DAB2IP: variants seen among roughly 807,000 people sequenced by gnomAD.
The protein encoded by DAB2IP is DAB2 interacting protein.
A neutral mutation model predicts 107.2 loss-of-function variants in DAB2IP; 28 were observed. The ratio of observed to expected loss-of-function variants is 0.26; its 90% CI spans 0.19 to 0.36. The LOEUF is 0.36. Among genes scored for constraint, DAB2IP ranks in the 10% least tolerant of loss-of-function variants. The pLI is 1.00. For missense variants in DAB2IP, 1,400 were observed against 1,644.7 expected (o/e 0.85, Z 2.57); for synonymous variants, 755 against 706.4 (o/e 1.07, Z -1.09).
At chr9:121,729,826 G>A (rs1323911669) in intron 3 of DAB2IP, among the ~76,000 whole-genome samples, 1 of 152,146 alleles carries the variant, frequency 6.6e-6, no homozygotes, top group African/African-American at 2.4e-5. Flanking sequence ...TAGGTTTCTG[G>A]CTTCTATTTT....
rs568739577 is a variant in DAB2IP, at chr9:121,610,659, T to G, written c.40+43431T>G. ...CAGCACGTGAGGGGTGGGAAGGTGA[T>G]GGATGAAGGGTCTTTTTCTACGCTG... On this transcript the variant is annotated intron_variant, in intron 1 of 16. Transcript: ENST00000259371. 9.2e-5 allele frequency among the ~76,000 whole-genome samples: 14 copies of G among 152,174 alleles called. No individual in the cohort carries two copies. The East Asian group carries it at 2.7e-3, about 29-fold the overall frequency.
chr9:121,667,843 G>C (rs1444473942), intron 1 of DAB2IP, among the ~76,000 whole-genome samples: 1 of 152,092 alleles, frequency 6.6e-6, no homozygotes, highest in Admixed American at 6.5e-5. Context: ...CTGTTTTCAC[G>C]CTGCTGATAA....
At chr9:121,752,801 A>C (rs1348503474) in intron 3 of DAB2IP, 1 of 152,188 alleles carries the variant, frequency 6.6e-6, no homozygotes, top group Non-Finnish European at 1.5e-5. Context: ...GGGCTGGGAA[A>C]TACCTCCCCG....
At position 121,760,466 on chromosome 9, in the gene DAB2IP, C is replaced by A; in HGVS notation, c.1170+27C>A. On this transcript the variant is annotated intron_variant, in intron 6 of 15. Transcript: ENST00000408936. This position sits in a 1 kb window ranked among gnomAD's most constrained non-coding sequence, Gnocchi z 5.9. The stretch of plus-strand genomic sequence containing the variant: ...TGCGTGCAGGCCCCTCGGCTCCTGA[C>A]ACAGGCTGGGCGGCAGCACTGGGTT... 1 of 1,554,254 alleles carries A rather than the reference C, an allele frequency of 6.4e-7. No homozygotes were observed. The highest frequency in any genetic ancestry group is 8.7e-7 in the Non-Finnish European group (1 of 1,154,954).
chr9:121,676,808 G>A (rs1833933736), intron 1 of DAB2IP, among the ~76,000 whole-genome samples: 2 of 152,218 alleles, frequency 1.3e-5, no homozygotes, highest in South Asian at 4.1e-4. Flanking sequence ...GGCTGGGGAA[G>A]GGGAGCAGGA....
rs900447018 is a variant in DAB2IP at position 121,782,837 on chromosome 9, G to T, written c.*339G>T. 17 of 1,117,044 alleles carry T rather than the reference G, an allele frequency of 1.5e-5. No individual in the cohort carries two copies. The highest frequency in any genetic ancestry group is 1.6e-5 in the Non-Finnish European group (15 of 911,486). The allele number at this position is 1,117,044 out of a possible 1,614,324, so 69.2% of individuals were successfully genotyped here. A position where few individuals can be genotyped will look rare whatever the true frequency, so the allele number is the denominator to read the frequency against. On this transcript the variant is annotated 3_prime_UTR_variant, in exon 16 of 16. Coordinates refer to ENST00000408936, the Ensembl canonical transcript of DAB2IP. This position sits in a 1 kb window ranked among gnomAD's most constrained non-coding sequence, Gnocchi z 6.1. ...CTTGTCCTCCTGGATCTGGCCGAGT[G>T]CATGTGTCCCCCCACACCTGTGCCA...
At chr9:121,758,154 G>T (rs1489648711) in intron 4 of DAB2IP, among the ~76,000 whole-genome samples, 1 of 152,208 alleles carries the variant, frequency 6.6e-6, no homozygotes, top group East Asian at 1.9e-4. Flanking sequence ...CGTGTGAGGA[G>T]TGTGCTTCCC....
At chr9:121,728,540 T>C (rs752183040) in intron 3 of DAB2IP, among the ~76,000 whole-genome samples, 7 of 152,216 alleles carry the variant, frequency 4.6e-5, no homozygotes, top group Non-Finnish European at 4.4e-5. Flanking sequence ...GTCTTATTAA[T>C]GCTACTGAGA....
chr9:121,770,389 A>AC (rs1233421195), intron 10 of DAB2IP, among the ~76,000 whole-genome samples, 157 bp from the exon 11 acceptor site: 3 of 151,676 alleles, frequency 2.0e-5, no homozygotes, highest in Admixed American at 1.3e-4. Context: ...TCCTGGGCTC[A>AC]CCCCCCTCCC....
At chr9:121,753,827 C>A (rs548326901) in intron 3 of DAB2IP, among the ~76,000 whole-genome samples, 1 of 152,188 alleles carries the variant, frequency 6.6e-6, no homozygotes, top group African/African-American at 2.4e-5. Flanking sequence ...TTCACCTGAG[C>A]GTCCCGGGTA....
chr9:121,651,876 G>C lies in DAB2IP; in HGVS notation c.101G>C (p.Arg34Pro). Residue 34 changes from arginine (R) to proline (P), a missense_variant, in exon 1 of 16, where the codon CGC (arginine) becomes CCC (proline). Arg to Pro is a moderately radical substitution (Grantham distance 103). This residue lies in a region of DAB2IP where 283 missense variants were observed against 237.0 expected (regional missense o/e 1.19). Transcript: ENST00000408936. This position sits in a 1 kb window ranked among gnomAD's most constrained non-coding sequence, Gnocchi z 5.1. ...CTGCAGCGACAGAGGAGCCGCTCCCGCAGCCGGACCCGGCCTGCCAGGGGT... is the reference window on the plus strand; with the variant it reads ...CTGCAGCGACAGAGGAGCCGCTCCCCCAGCCGGACCCGGCCTGCCAGGGGT... The C allele has an allele frequency of 7.0e-7, 1 of 1,438,578 alleles. No individual in the cohort carries two copies. The highest frequency in any genetic ancestry group is 9.2e-7 in the Non-Finnish European group (1 of 1,090,662). 89.1% of individuals were successfully genotyped at this position (1,438,578 alleles called of 1,614,324 possible). A position where few individuals can be genotyped will look rare whatever the true frequency, so the allele number is the denominator to read the frequency against.
At chr9:121,696,638 C>T (rs889012369) in intron 2 of DAB2IP, among the ~76,000 whole-genome samples, 4 of 152,144 alleles carry the variant, frequency 2.6e-5, no homozygotes, top group Admixed American at 6.5e-5. Flanking sequence ...CTGGAGTCCA[C>T]GGTCCTTGAT....
Position 121,687,304 on chromosome 9 carries a change from C to T in DAB2IP, c.228+8523C>T, listed in dbSNP as rs1158955680. Among the ~76,000 whole-genome samples the T allele has an allele frequency of 2.0e-5, 3 of 152,138 alleles. No homozygotes were observed. The East Asian group carries it at 5.8e-4, about 29-fold the overall frequency. On this transcript the variant is annotated intron_variant, in intron 2 of 15. Coordinates refer to ENST00000408936, the Ensembl canonical transcript of DAB2IP. ...GAAAGCCAGGGGTTCTGAAAGGGGA[C>T]CCTGGTCAGGGACACTGGATGGAAC...
chr9:121,593,650 TTTTTTC>T lies in DAB2IP; in HGVS notation c.40+26428_40+26433del, dbSNP rs1173783260. 3.6e-3 allele frequency among the ~76,000 whole-genome samples: 500 copies of T among 140,380 alleles called. 1 individual carries two copies. Among genetic ancestry groups the T allele is most frequent in the African/African-American group, 0.012 (467 of 37,514 alleles). 92.1% of individuals were successfully genotyped at this position (140,380 alleles called of 152,430 possible). On this transcript the variant is annotated intron_variant, in intron 1 of 16. Coordinates refer to the DAB2IP transcript ENST00000259371. ...AGTTTTATTTTATTTTCTTTTTCTT[TTTTTTC>T]TTTTTTCTTTTTTTTTCTTTTTTTT...
Position 121,635,631 on chromosome 9 carries a change from C to T in DAB2IP, c.41-43047C>T, listed in dbSNP as rs779429974. ...CCAGGGCAACCACAGGAAGGAGGGG[C>T]GCTGAGATGGGAGCGAGGCCTTGGA... On this transcript the variant is annotated intron_variant, in intron 1 of 16. Coordinates refer to the DAB2IP transcript ENST00000259371. This position sits in a 1 kb window ranked among gnomAD's most constrained non-coding sequence, Gnocchi z 4.3. 1.1e-4 allele frequency among the ~76,000 whole-genome samples: 16 copies of T among 152,142 alleles called. No homozygotes were observed. Among genetic ancestry groups the T allele is most frequent in the Non-Finnish European group, 1.8e-4 (12 of 68,024 alleles).
intron 6 of DAB2IP, among the ~76,000 whole-genome samples, chr9:121,761,486 C>CACAAG (rs1036596742): frequency 5.9e-5 from 9 of 152,316 alleles, no homozygotes; most frequent in Admixed American, 4.6e-4. Flanking sequence ...GAGTCCAGGG[C>CACAAG]ACAAGACTCG....
At chr9:121,688,094 C>T (rs756933100) in intron 2 of DAB2IP, among the ~76,000 whole-genome samples, 1 of 152,158 alleles carries the variant, frequency 6.6e-6, no homozygotes, top group African/African-American at 2.4e-5. Flanking sequence ...TCATCCTGCC[C>T]TGTGGCCCTG....
chr9:121,748,007 C>G (rs1443413545), intron 3 of DAB2IP, among the ~76,000 whole-genome samples: 1 of 152,212 alleles, frequency 6.6e-6, no homozygotes, highest in Non-Finnish European at 1.5e-5. Flanking sequence ...CCAGCGCCCT[C>G]TCGAATCCCT....
chr9:121,781,898 A>T (rs1458594997), intron 15 of DAB2IP, among the ~76,000 whole-genome samples: 1 of 152,154 alleles, frequency 6.6e-6, no homozygotes, highest in African/African-American at 2.4e-5. Context: ...CAACTATGGC[A>T]TCCGGGCTGC....
Sources: gnomAD v4.1 joint callset for allele counts (sites outside exome capture counted in the v4.1 genomes callset) on GRCh38, gnomAD v4.1.1 for gene constraint, gnomAD v4.1.1 regional missense constraint, Gnocchi (gnomAD v3.1) non-coding constraint, MANE v1.5 for transcripts, NCBI Gene and HGNC (gene_info 2026-07-23, HGNC 2026-07-21) for gene names.